EHD4: variants seen among roughly 807,000 people sequenced by gnomAD.
EHD4 encodes EH domain containing 4.
A neutral mutation model predicts 51.0 loss-of-function variants in EHD4; 37 were observed. The ratio of observed to expected loss-of-function variants is 0.73; its 90% CI spans 0.56 to 0.95. EHD4 has a LOEUF of 0.95. EHD4 is among the 40% of genes least tolerant of loss of function. The pLI is 0.00. For synonymous variants in EHD4, 297 were observed against 317.3 expected (o/e 0.94, Z 0.68); for missense variants, 632 against 733.1 (o/e 0.86, Z 1.59).
chr15:41,912,468 G>A (rs2067556936), intron 4 of EHD4, among the ~76,000 whole-genome samples: 1 of 152,178 alleles, frequency 6.6e-6, no homozygotes, highest in African/African-American at 2.4e-5. Context: ...GCTGAGGCAG[G>A]TGGGTCACTT....
chr15:41,927,762 T>G (rs8043408), intron 3 of EHD4, among the ~76,000 whole-genome samples: 9 of 152,142 alleles, frequency 5.9e-5, no homozygotes, highest in African/African-American at 2.2e-4. Flanking sequence ...TTCTAGAGAT[T>G]TGCGGAACCA....
chr15:41,898,549 G>C lies in EHD4; in HGVS notation c.*2096C>G, dbSNP rs1469498697. On this transcript the variant is annotated 3_prime_UTR_variant, in exon 6 of 6. Transcript: ENST00000220325. ...ACCTCCACCGTGGCTGCAGACTTCA[G>C]GTGGTCCTCACGCATTCACAGAACT... 2 of 152,228 alleles carry C rather than the reference G, an allele frequency of 1.3e-5. No individual in the cohort carries two copies. The highest frequency in any genetic ancestry group is 4.8e-5 in the African/African-American group (2 of 41,454). 9.4% of individuals were successfully genotyped at this position (152,228 alleles called of 1,614,324 possible).
At chr15:41,904,744 C>T (rs1247384052) in intron 5 of EHD4, among the ~76,000 whole-genome samples, 1 of 152,214 alleles carries the variant, frequency 6.6e-6, no homozygotes, top group East Asian at 1.9e-4. Flanking sequence ...CTGAGGGGTC[C>T]AAATTCTCCT....
At chr15:41,948,771 G>A (rs1200254158) in intron 2 of EHD4, among the ~76,000 whole-genome samples, 6 of 152,112 alleles carry the variant, frequency 3.9e-5, no homozygotes, top group Admixed American at 3.9e-4. Context: ...TCTCATGCCT[G>A]TAATCCCAGC....
intron 5 of EHD4, among the ~76,000 whole-genome samples, chr15:41,901,817 GGACCAGCCCCACCAAGTACGGCCT>G (rs2067479751): frequency 6.6e-6 from 1 of 152,216 alleles, no homozygotes; most frequent in Non-Finnish European, 1.5e-5. Flanking sequence ...GAACCCCGTA[GGACCAGCCCCACCAAGTACGGCCT>G]GACCAGGGGC....
chr15:41,933,950 G>A (rs551439416), intron 3 of EHD4, among the ~76,000 whole-genome samples: 1 of 152,192 alleles, frequency 6.6e-6, no homozygotes, highest in South Asian at 2.1e-4. Flanking sequence ...GGTGACTCCT[G>A]CGGGACAGTC....
chr15:41,919,340 AG>A lies in EHD4; in HGVS notation c.793del (p.Leu265CysfsTer53). The A allele has an allele frequency of 6.2e-7, 1 of 1,614,196 alleles. No homozygotes were observed. The highest frequency in any genetic ancestry group is 8.5e-7 in the Non-Finnish European group (1 of 1,180,028). Reference protein sequence around the residue: ...VYIGSFWAQPLQNTDNRRLFE... With the variant: ...VYIGSFWAQPXQNTDNRRLFE... Reference sequence around the variant, plus strand: ...GAGCCGGCGGTTGTCCGTGTTCTGCAGGGGCTGCGCCCAGAAGGAGCCAATG... The same window carrying A: ...GAGCCGGCGGTTGTCCGTGTTCTGCAGGGCTGCGCCCAGAAGGAGCCAATG... On this transcript the variant is annotated frameshift_variant, in exon 4 of 6. Transcript: ENST00000220325. LOFTEE classifies it high-confidence loss of function.
Position 41,901,417 on chromosome 15 carries a change from G to A in EHD4, c.1090-236C>T, listed in dbSNP as rs76681299. ...AATCTCTGCTGGTGGCCGCATGAGC[G>A]ACAGCAACCTCCGAGGACTCTGAGA... On this transcript the variant is annotated intron_variant, in intron 5 of 5. Coordinates refer to ENST00000220325, the MANE Select transcript of EHD4 (RefSeq NM_139265.4). Among the ~76,000 whole-genome samples the A allele has an allele frequency of 4.4e-4, 67 of 152,336 alleles. 1 individual carries two copies. The East Asian group carries it at 0.012, about 28-fold the overall frequency.
chr15:41,909,225 A>G (rs1212142515), intron 5 of EHD4, among the ~76,000 whole-genome samples: 1 of 152,204 alleles, frequency 6.6e-6, no homozygotes, highest in African/African-American at 2.4e-5. Context: ...GTGCCCACGC[A>G]GTCCAGCAGC....
chr15:41,900,988 C>A lies in EHD4; in HGVS notation c.1283G>T (p.Gly428Val). ...GCCCTCCTTGGCACCCTCCCCGTAG[C>A]CCTGGTTGAAGGGGCCCTCGGTGGT... The part of the protein sequence containing the change: ...DGTTEGPFNQ[G>V]YGEGAKEGAD... The change falls in exon 6 of 6, where the codon GGC becomes GTC. Residue 428 changes from glycine to valine, a missense_variant. By Grantham distance (109) the Gly-to-Val change is moderately radical (BLOSUM62 -3). Transcript: ENST00000220325. This position sits in a 1 kb window ranked among gnomAD's most constrained non-coding sequence, Gnocchi z 4.8. 6.2e-7 allele frequency: 1 copy of A among 1,609,888 alleles called. No homozygotes were observed. The highest frequency in any genetic ancestry group is 2.2e-5 in the East Asian group (1 of 44,750).
intron 3 of EHD4, among the ~76,000 whole-genome samples, chr15:41,931,467 C>T (rs1470180550): frequency 1.3e-5 from 2 of 152,126 alleles, no homozygotes; most frequent in African/African-American, 4.8e-5. Context: ...GAGCTGTGAT[C>T]GTGCCACTGC....
chr15:41,904,730 T>C (rs1341934141), intron 5 of EHD4, among the ~76,000 whole-genome samples: 1 of 152,212 alleles, frequency 6.6e-6, no homozygotes, highest in Non-Finnish European at 1.5e-5. Flanking sequence ...TGCCAACTCA[T>C]GAGCTGAGGG....
At position 41,918,242 on chromosome 15, in the gene EHD4, A is replaced by ACACACG. The variant is rs1347109024; in HGVS notation, c.924+967_924+968insCGTGTG. Among the ~76,000 whole-genome samples the ACACACG allele has an allele frequency of 9.2e-5, 12 of 130,562 alleles. No homozygotes were observed. In the East Asian group the frequency reaches 1.6e-3, roughly 18 times the overall value. The allele number at this position is 130,562 out of a possible 152,430, so 85.7% of individuals were successfully genotyped here. ...TACACACACACACACACACACACAC[A>ACACACG]CGCGCATGTTTACACACATGCATAT... On this transcript the variant is annotated intron_variant, in intron 4 of 5. Coordinates refer to ENST00000220325, the MANE Select transcript of EHD4 (RefSeq NM_139265.4).
At chr15:41,972,022 G>A (rs1386779675) in intron 1 of EHD4, among the ~76,000 whole-genome samples, 2 of 152,100 alleles carry the variant, frequency 1.3e-5, no homozygotes, top group African/African-American at 4.8e-5. Context: ...CGGGAGCAAC[G>A]CCTTCCGAAC....
chr15:41,948,772 T>TA (rs1490974638), intron 2 of EHD4, among the ~76,000 whole-genome samples: 1 of 152,090 alleles, frequency 6.6e-6, no homozygotes, highest in Non-Finnish European at 1.5e-5. Flanking sequence ...CTCATGCCTG[T>TA]AATCCCAGCA....
At chr15:41,909,353 G>C (rs1231683485) in intron 5 of EHD4, among the ~76,000 whole-genome samples, 1 of 152,204 alleles carries the variant, frequency 6.6e-6, no homozygotes, top group Admixed American at 6.5e-5. Flanking sequence ...GGCCGCCCAA[G>C]GTGACCCTGA....
In EHD4 at chr15:41,935,651, G is replaced by A. The variant is rs116873462; in HGVS notation, c.511+7416C>T. On this transcript the variant is annotated intron_variant, in intron 3 of 5. Transcript: ENST00000220325. ...GTATTTTGCCCTGGTTTGCATCCAC[G>A]CCTCTTGTGGTTAACAGCACGCACT... 1.1e-4 allele frequency among the ~76,000 whole-genome samples: 16 copies of A among 152,260 alleles called. No individual in the cohort carries two copies. In the East Asian group the frequency reaches 3.1e-3, roughly 29 times the overall value.
intron 5 of EHD4, among the ~76,000 whole-genome samples, chr15:41,902,217 T>C (rs186734755): frequency 1.3e-5 from 2 of 151,812 alleles, no homozygotes; most frequent in Non-Finnish European, 1.5e-5. Flanking sequence ...AAACTGACCT[T>C]CCTACCTTGG....
intron 5 of EHD4, 30 bp from the exon 6 acceptor site, chr15:41,901,211 A>G: frequency 1.3e-6 from 2 of 1,518,020 alleles, no homozygotes; most frequent in Non-Finnish European, 1.8e-6. Context: ...AGGATGGGTT[A>G]CATGTGGTCT....
Sources: gnomAD v4.1 joint callset for allele counts (sites outside exome capture counted in the v4.1 genomes callset) on GRCh38, gnomAD v4.1.1 for gene constraint, Gnocchi (gnomAD v3.1) non-coding constraint, MANE v1.5 for transcripts, NCBI Gene and HGNC (gene_info 2026-07-23, HGNC 2026-07-21) for gene names.